GDA: variants seen among roughly 807,000 people sequenced by gnomAD.
The protein encoded by GDA is cytoplasmic PSD-95 interactor.
In GDA, 18 loss-of-function variants were observed where a neutral mutation model predicts 59.6. The observed-to-expected ratio is 0.30, with a 90% CI of 0.21 to 0.45. The LOEUF (loss-of-function observed/expected upper bound fraction) is 0.45. Ranked by LOEUF, GDA falls within the 20% of genes least tolerant of loss-of-function variation. GDA has a pLI of 1.00. For missense variants in GDA, 427 were observed against 552.3 expected (o/e 0.77, Z 2.27); for synonymous variants, 201 against 201.1 (o/e 1.00, Z 0.00).
chr9:72,254,167 T>C (rs1319016113), downstream of GDA, among the ~76,000 whole-genome samples: 2 of 151,196 alleles, frequency 1.3e-5, no homozygotes, highest in African/African-American at 4.9e-5. Context: ...GATATGACAG[T>C]ATTTTAAAGT....
upstream of GDA, among the ~76,000 whole-genome samples, chr9:72,148,298 T>C (rs1826767490): frequency 7.7e-6 from 1 of 130,256 alleles, no homozygotes; most frequent in Non-Finnish European, 1.6e-5. Context: ...GCTTCTGTTA[T>C]TGGTGTGTGT....
chr9:72,139,657 T>C (rs1826372294), intron 1 of GDA, among the ~76,000 whole-genome samples: 1 of 145,904 alleles, frequency 6.9e-6, no homozygotes, highest in Non-Finnish European at 1.5e-5. Context: ...CCCTCGCCTC[T>C]AATAAAAAAA....
intron 1 of GDA, among the ~76,000 whole-genome samples, chr9:72,174,977 G>C (rs1830390623): frequency 6.6e-6 from 1 of 152,080 alleles, no homozygotes; most frequent in Admixed American, 6.6e-5. Context: ...AGAGTGCTTA[G>C]GGGGTCTGAA....
At chr9:72,182,102 T>C (rs979646404) in intron 1 of GDA, among the ~76,000 whole-genome samples, 50 of 151,810 alleles carry the variant, frequency 3.3e-4, no homozygotes, top group African/African-American at 1.2e-3. Flanking sequence ...TTATTTTTTT[T>C]CCCTAAAAAA....
At chr9:72,139,007 G>A (rs898558632) in intron 1 of GDA, among the ~76,000 whole-genome samples, 2 of 152,112 alleles carry the variant, frequency 1.3e-5, no homozygotes, top group African/African-American at 4.8e-5. Flanking sequence ...TGCATTTCGT[G>A]TTATATTGTT....
At chr9:72,204,595 A>T (rs947789607) in intron 3 of GDA, among the ~76,000 whole-genome samples, 6 of 152,244 alleles carry the variant, frequency 3.9e-5, no homozygotes, top group African/African-American at 1.4e-4. Context: ...TCTATGCTTC[A>T]TACTGAAACT....
chr9:72,130,459 T>C (rs1825988296), intron 1 of GDA, among the ~76,000 whole-genome samples: 1 of 152,244 alleles, frequency 6.6e-6, no homozygotes, highest in African/African-American at 2.4e-5. Flanking sequence ...AAGAAGCAGC[T>C]GAGTCCTACT....
intron 1 of GDA, among the ~76,000 whole-genome samples, chr9:72,188,200 G>A (rs1832086337): frequency 6.6e-6 from 1 of 152,258 alleles, no homozygotes; most frequent in Admixed American, 6.5e-5. Context: ...TTACTGACGA[G>A]ATTAACACAG....
At position 72,248,264 on chromosome 9, in the gene GDA, T is replaced by C; in HGVS notation, c.1295-8T>C. The C allele has an allele frequency of 6.3e-7, 1 of 1,593,548 alleles. No homozygotes were observed. The highest frequency in any genetic ancestry group is 8.6e-7 in the Non-Finnish European group (1 of 1,161,338). On this transcript the variant is annotated splice_region_variant and splice_polypyrimidine_tract_variant and intron_variant, in intron 13 of 13. Coordinates refer to ENST00000358399, the MANE Select transcript of GDA (RefSeq NM_004293.5). ...ATTTTATACATGATTCCTTGATTTT[T>C]CTTTCAGGAGATGATCGAAATATTG...
chr9:72,214,552 C>T (rs1835848727), intron 5 of GDA, among the ~76,000 whole-genome samples: 1 of 151,880 alleles, frequency 6.6e-6, no homozygotes, highest in African/African-American at 2.4e-5. Context: ...CCTCGGCCTC[C>T]CAAAGTGCTG....
chr9:72,249,607 A>G lies in GDA; in HGVS notation c.*1265A>G. ...GACTATTTTTATGCTTCCATAACCTAGAATTAAAACCAAATTATGACCTTA... is the reference window on the plus strand; with the variant it reads ...GACTATTTTTATGCTTCCATAACCTGGAATTAAAACCAAATTATGACCTTA... On this transcript the variant is annotated 3_prime_UTR_variant, in exon 14 of 14. Transcript: ENST00000358399. 12 of 653,288 alleles carry G rather than the reference A, an allele frequency of 1.8e-5. No homozygotes were observed. Among genetic ancestry groups the G allele is most frequent in the Non-Finnish European group, 2.3e-5 (12 of 527,254 alleles). The allele number at this position is 653,288 out of a possible 1,614,324, so 40.5% of individuals were successfully genotyped here.
chr9:72,176,307 C>A (rs1250089818), intron 1 of GDA, among the ~76,000 whole-genome samples: 1 of 152,168 alleles, frequency 6.6e-6, no homozygotes, highest in Non-Finnish European at 1.5e-5. Context: ...AGTGAGAGGG[C>A]CAGATGGAAG....
chr9:72,232,576 A>G (rs1020413966), intron 10 of GDA, among the ~76,000 whole-genome samples: 3 of 152,222 alleles, frequency 2.0e-5, no homozygotes, highest in Non-Finnish European at 4.4e-5. Context: ...AGTTTTGGTT[A>G]CACACTATAG....
intron 11 of GDA, among the ~76,000 whole-genome samples, chr9:72,243,438 T>C (rs1226533402): frequency 6.6e-6 from 1 of 152,174 alleles, no homozygotes; most frequent in African/African-American, 2.4e-5. Flanking sequence ...AGTCAGTAAT[T>C]CAGTTTAATT....
chr9:72,224,951 C>A (rs1360666662), intron 7 of GDA, among the ~76,000 whole-genome samples: 1 of 152,020 alleles, frequency 6.6e-6, no homozygotes, highest in African/African-American at 2.4e-5. Context: ...GTGAACCCCA[C>A]TGTCTGCTTT....
chr9:72,234,771 A>C (rs1838765211), intron 10 of GDA, among the ~76,000 whole-genome samples: 1 of 152,250 alleles, frequency 6.6e-6, no homozygotes, highest in African/African-American at 2.4e-5. Flanking sequence ...AAATTTCTAC[A>C]ATATTGACAC....
At chr9:72,133,198 G>C (rs1826085593) in intron 1 of GDA, among the ~76,000 whole-genome samples, 1 of 150,154 alleles carries the variant, frequency 6.7e-6, no homozygotes, top group South Asian at 2.1e-4. Flanking sequence ...GCTGAGGCAG[G>C]GGAATCGCTT....
At chr9:72,241,730 A>G (rs905258006) in intron 11 of GDA, among the ~76,000 whole-genome samples, 25 of 151,988 alleles carry the variant, frequency 1.6e-4, no homozygotes, top group African/African-American at 5.6e-4. Context: ...CGTCTCTACA[A>G]AAAAATACAA....
intron 1 of GDA, among the ~76,000 whole-genome samples, chr9:72,158,522 G>A (rs1828214998): frequency 6.6e-6 from 1 of 151,906 alleles, no homozygotes; most frequent in Non-Finnish European, 1.5e-5. Context: ...GAACCCGGGA[G>A]GCAGAGCTTG....
Sources: allele counts gnomAD v4.1 joint callset (sites outside exome capture counted in the v4.1 genomes callset), GRCh38; gene constraint gnomAD v4.1.1; transcripts MANE v1.5; gene names NCBI Gene and HGNC (gene_info 2026-07-23, HGNC 2026-07-21).